ERC1: variants seen among roughly 807,000 people sequenced by gnomAD.
ERC1 encodes the protein ELKS/RAB6-interacting/CAST family member 1.
In ERC1, 56 loss-of-function variants were observed where a neutral mutation model predicts 132.0. That is an observed-to-expected ratio of 0.42 (90% CI 0.34 to 0.53). ERC1 has a LOEUF of 0.53. Among genes scored for constraint, ERC1 ranks in the 20% least tolerant of loss-of-function variants. The pLI is 0.03. For synonymous variants in ERC1, 478 were observed against 476.1 expected (o/e 1.00, Z -0.05); for missense variants, 1,202 against 1,349.9 (o/e 0.89, Z 1.72).
chr12:1,365,338 A>AG, intron 15 of ERC1, among the ~76,000 whole-genome samples: 1 of 151,988 alleles, frequency 6.6e-6, no homozygotes, highest in East Asian at 1.9e-4. Context: ...AAAAAAAAAA[A>AG]TGCCTTAAAA....
intron 2 of ERC1, among the ~76,000 whole-genome samples, chr12:1,062,327 G>A (rs546786928): frequency 4.0e-4 from 61 of 152,026 alleles, no homozygotes; most frequent in Non-Finnish European, 1.9e-4. Flanking sequence ...TTGCCATGTT[G>A]CCCAGGCTGG....
In ERC1 at chr12:1,061,174, AG is replaced by A. The variant is rs1320800317; in HGVS notation, c.670-21989del. Among the ~76,000 whole-genome samples the A allele has an allele frequency of 3.9e-5, 6 of 152,272 alleles. No individual in the cohort carries two copies. In the East Asian group the frequency reaches 1.2e-3, roughly 29 times the overall value. On this transcript the variant is annotated intron_variant, in intron 2 of 18. Transcript: ENST00000360905. ...TAGGTTTTCCAATTTGTTGGTGTAT[AG>A]TTGTTCATAATGGCGTCTAATGATT...
intron 8 of ERC1, among the ~76,000 whole-genome samples, chr12:1,157,033 C>CT (rs780763916): frequency 6.6e-6 from 1 of 151,930 alleles, no homozygotes; most frequent in Non-Finnish European, 1.5e-5. Context: ...TTTAATAGTA[C>CT]TTTTCTTTAT....
chr12:1,333,480 G>C (rs1010941375), intron 15 of ERC1, among the ~76,000 whole-genome samples: 1 of 151,758 alleles, frequency 6.6e-6, no homozygotes, highest in South Asian at 2.1e-4. Context: ...TTACAGGCAC[G>C]TGCCACCATG....
intron 7 of ERC1, among the ~76,000 whole-genome samples, chr12:1,122,219 CTCTA>C (rs1947476938): frequency 8.8e-5 from 4 of 45,200 alleles, no homozygotes; most frequent in Admixed American, 4.3e-4. Flanking sequence ...CTATCTCTAT[CTCTA>C]TCTCTATCTC....
chr12:1,004,176 C>G (rs1019036175), intron 1 of ERC1, among the ~76,000 whole-genome samples: 2 of 152,104 alleles, frequency 1.3e-5, no homozygotes, highest in Admixed American at 6.6e-5. Flanking sequence ...GGAACTGTTT[C>G]CCTACAGATG....
chr12:1,433,704 G>A (rs1289882245), intron 17 of ERC1, among the ~76,000 whole-genome samples: 5 of 152,178 alleles, frequency 3.3e-5, no homozygotes, highest in Admixed American at 3.3e-4. Context: ...CCTTTGAATG[G>A]TCCAGCAAAG....
chr12:1,015,609 A>G (rs1490056121), intron 1 of ERC1, among the ~76,000 whole-genome samples: 1 of 152,208 alleles, frequency 6.6e-6, no homozygotes, highest in Non-Finnish European at 1.5e-5. Flanking sequence ...AACAATGTGC[A>G]CATTTTAAAT....
chr12:1,048,258 C>T (rs1971392910), intron 2 of ERC1, among the ~76,000 whole-genome samples: 1 of 152,198 alleles, frequency 6.6e-6, no homozygotes, highest in Admixed American at 6.5e-5. Flanking sequence ...CTTCCCATTC[C>T]ATCCATAACC....
intron 14 of ERC1, among the ~76,000 whole-genome samples, chr12:1,284,298 GTGTGTGTGTGTA>G (rs2078896873): frequency 1.4e-5 from 2 of 145,724 alleles, no homozygotes; most frequent in African/African-American, 5.3e-5. Context: ...GTGTGTGTGT[GTGTGTGTGTGTA>G]TACATACCAC....
At chr12:994,136 T>C (rs1328410499) in intron 1 of ERC1, among the ~76,000 whole-genome samples, 2 of 150,690 alleles carry the variant, frequency 1.3e-5, no homozygotes, top group Non-Finnish European at 2.9e-5. Flanking sequence ...TTTTACACTA[T>C]GTTTACATTT....
chr12:1,250,394 A>C (rs1162179116), intron 13 of ERC1, among the ~76,000 whole-genome samples: 2 of 152,156 alleles, frequency 1.3e-5, no homozygotes, highest in South Asian at 4.1e-4. Context: ...ATTGTTTTAT[A>C]ATTGCCCCTG....
At chr12:1,040,309 CTTTTTTTCTTTTTTCTTTTTT>C (rs1969967303) in intron 2 of ERC1, among the ~76,000 whole-genome samples, 1 of 149,104 alleles carries the variant, frequency 6.7e-6, no homozygotes, top group Non-Finnish European at 1.5e-5. Context: ...TTTTCTTTTT[CTTTTTTTCTTTTTTCTTTTTT>C]TTTTTTTTTG....
intron 18 of ERC1, among the ~76,000 whole-genome samples, chr12:1,462,562 G>A (rs2093664001): frequency 1.3e-5 from 2 of 152,090 alleles, no homozygotes; most frequent in African/African-American, 2.4e-5. Context: ...AGCAAAAGAA[G>A]CCAGACACAC....
intron 12 of ERC1, among the ~76,000 whole-genome samples, chr12:1,221,346 T>A (rs932381799): frequency 6.6e-6 from 1 of 152,178 alleles, no homozygotes; most frequent in Non-Finnish European, 1.5e-5. Context: ...TTGTATAAAA[T>A]CGGGTCCTTG....
At chr12:1,075,718 C>G (rs1166628872) in intron 2 of ERC1, among the ~76,000 whole-genome samples, 1 of 145,134 alleles carries the variant, frequency 6.9e-6, no homozygotes, top group Non-Finnish European at 1.5e-5. Flanking sequence ...CAGAGCAAGA[C>G]TGTCTCGGGG....
chr12:1,129,299 C>A (rs974167066), intron 7 of ERC1, among the ~76,000 whole-genome samples: 1 of 144,960 alleles, frequency 6.9e-6, no homozygotes, highest in Non-Finnish European at 1.5e-5. Flanking sequence ...AGTGAGACTG[C>A]GTCTCCACAA....
intron 16 of ERC1, among the ~76,000 whole-genome samples, chr12:1,407,081 A>G (rs2091543226): frequency 6.6e-6 from 1 of 152,128 alleles, no homozygotes; most frequent in Non-Finnish European, 1.5e-5. Context: ...AATGTTCAAT[A>G]TATTATTCAT....
intron 14 of ERC1, among the ~76,000 whole-genome samples, chr12:1,276,357 C>G (rs1413013442): frequency 2.0e-5 from 3 of 151,990 alleles, no homozygotes; most frequent in African/African-American, 7.2e-5. Flanking sequence ...CCTGCCTCAG[C>G]CTCCCAAGTA....
Sources: gnomAD v4.1 joint callset for allele counts (sites outside exome capture counted in the v4.1 genomes callset) on GRCh38, gnomAD v4.1.1 for gene constraint, MANE v1.5 for transcripts, NCBI Gene and HGNC (gene_info 2026-07-23, HGNC 2026-07-21) for gene names.